Variants in STXBP3 observed in about 807,000 individuals in gnomAD.
STXBP3 encodes syntaxin-binding protein 3.
STXBP3 carries 41 observed loss-of-function variants against 85.7 expected under a neutral mutation model. The observed-to-expected ratio is 0.48, with a 90% CI of 0.37 to 0.62. The LOEUF is 0.62. Among genes scored for constraint, STXBP3 ranks in the 20% least tolerant of loss-of-function variants. The pLI is 0.00. For synonymous variants in STXBP3, 229 were observed against 231.7 expected, an observed-to-expected ratio of 0.99 and a Z score of 0.10; for missense variants, 563 against 703.1, an observed-to-expected ratio of 0.80 and a Z score of 2.25.
Position 108,809,352 on chromosome 1 carries a change from G to A in STXBP3, c.*475G>A, listed in dbSNP as rs1026633234. 1.3e-5 allele frequency: 2 copies of A among 153,224 alleles called. No homozygotes were observed. Among genetic ancestry groups the A allele is most frequent in the African/African-American group, 4.8e-5 (2 of 41,454 alleles). The allele number at this position is 153,224 out of a possible 1,614,324, so 9.5% of individuals were successfully genotyped here. On this transcript the variant is annotated 3_prime_UTR_variant, in exon 19 of 19. Coordinates refer to ENST00000370008, the MANE Select transcript of STXBP3 (RefSeq NM_007269.4). ...TTCTTTCAACTAAAATTCAGTTTAT[G>A]TGTAAAATAATTCAGTCATTAATAG...
chr1:108,792,102 T>C (rs996687092), intron 11 of STXBP3, among the ~76,000 whole-genome samples: 2 of 152,218 alleles, frequency 1.3e-5, no homozygotes, highest in Admixed American at 6.5e-5. Context: ...ATATTCACCT[T>C]CTTCATATCA....
intron 11 of STXBP3, among the ~76,000 whole-genome samples, chr1:108,785,590 G>C (rs1465425101): frequency 6.6e-6 from 1 of 152,082 alleles, no homozygotes; most frequent in African/African-American, 2.4e-5. Context: ...ATTAACATTT[G>C]GCTCCTTGTT....
intron 16 of STXBP3, 64 bp downstream of exon 16, chr1:108,798,301 G>A: frequency 7.6e-7 from 1 of 1,314,134 alleles, no homozygotes. Context: ...TTTACTTTTT[G>A]TAGTTTATGT....
At chr1:108,796,872 C>T in intron 15 of STXBP3, 146 bp downstream of exon 15, 1 of 524,756 alleles carries the variant, frequency 1.9e-6, no homozygotes, top group Non-Finnish European at 3.0e-6. Context: ...ATTTTGTTCT[C>T]TTTTCCATAT....
chr1:108,747,466 C>T (rs1158675699), intron 1 of STXBP3, among the ~76,000 whole-genome samples: 1 of 152,168 alleles, frequency 6.6e-6, no homozygotes, highest in African/African-American at 2.4e-5. Flanking sequence ...CTGTTAGGAC[C>T]GGACTCCTTA....
intron 17 of STXBP3, among the ~76,000 whole-genome samples, 177 bp downstream of exon 17, chr1:108,800,482 A>T (rs773728793): frequency 3.2e-4 from 48 of 152,352 alleles, no homozygotes; most frequent in Non-Finnish European, 5.7e-4. Context: ...GTACTTTATT[A>T]TAAAAAATAT....
chr1:108,790,586 T>G (rs903075445), intron 11 of STXBP3, among the ~76,000 whole-genome samples: 3 of 152,032 alleles, frequency 2.0e-5, no homozygotes, highest in African/African-American at 7.2e-5. Context: ...TTGATATAGT[T>G]AAATTTATAT....
In STXBP3 at chr1:108,794,804, G is replaced by T. The variant is rs376799326; in HGVS notation, c.1030-23G>T. 3 of 1,597,972 alleles carry T rather than the reference G, an allele frequency of 1.9e-6. No homozygotes were observed. In the African/African-American group the frequency reaches 4.0e-5, roughly 21 times the overall value. Reference sequence around the variant, plus strand: ...CAAAAGTCATTAAAATCCTTTAAATGATTGATTTCTTCTGTTTTTCAGCAA... The same window carrying T: ...CAAAAGTCATTAAAATCCTTTAAATTATTGATTTCTTCTGTTTTTCAGCAA... On this transcript the variant is annotated intron_variant, in intron 12 of 18. Transcript: ENST00000370008.
chr1:108,758,986 T>C (rs1662074603), intron 5 of STXBP3: 1 of 152,468 alleles, frequency 6.6e-6, no homozygotes, highest in Middle Eastern at 3.1e-3. Context: ...AAAGACCTTT[T>C]GAGAGGGCAC....
At chr1:108,798,543 G>A (rs1663164982) in intron 16 of STXBP3, among the ~76,000 whole-genome samples, 1 of 151,256 alleles carries the variant, frequency 6.6e-6, no homozygotes, top group South Asian at 2.1e-4. Context: ...AGCCTCCCGA[G>A]TAGCTGGGAC....
rs773581158 is a variant in STXBP3 at position 108,796,281 on chromosome 1, C to T, written c.1158C>T (p.Ser386=). The T allele has an allele frequency of 6.2e-7, 1 of 1,613,638 alleles. No homozygotes were observed. The highest frequency in any genetic ancestry group is 1.3e-5 in the African/African-American group (1 of 75,030). The change falls in exon 14 of 19, where the codon TCC becomes TCT. Residue 386 remains serine, a synonymous_variant. Transcript: ENST00000370008. ...CAGAAGGACAGAAGGTGAAAGATTC[C>T]ATGCGAGTACTCCTTCCAGTTCTAC... ...TDAEGQKVKD[S]MRVLLPVLLN...
At chr1:108,804,092 G>A (rs1453780337) in intron 17 of STXBP3, among the ~76,000 whole-genome samples, 1 of 152,096 alleles carries the variant, frequency 6.6e-6, no homozygotes, top group Admixed American at 6.6e-5. Flanking sequence ...TATGTTTCCT[G>A]AATCTGAGGA....
At chr1:108,767,147 A>G in intron 6 of STXBP3, 1 of 295,974 alleles carries the variant, frequency 3.4e-6, no homozygotes, top group Non-Finnish European at 6.6e-6. Flanking sequence ...ACTGACAGAC[A>G]CAAGCCTCAT....
chr1:108,795,771 AAAC>A (rs1191028871), intron 13 of STXBP3, among the ~76,000 whole-genome samples: 4 of 152,244 alleles, frequency 2.6e-5, no homozygotes, highest in Non-Finnish European at 5.9e-5. Context: ...TATTTTGTAT[AAAC>A]AATAGTTTAC....
At chr1:108,778,517 T>G in intron 8 of STXBP3, among the ~76,000 whole-genome samples, 1 of 152,200 alleles carries the variant, frequency 6.6e-6, no homozygotes, top group Non-Finnish European at 1.5e-5. Context: ...TCTTACTACC[T>G]GTGTGATTTG....
chr1:108,796,598 C>G (rs747354557), intron 14 of STXBP3, 22 bp from the exon 15 acceptor site: 1 of 1,598,258 alleles, frequency 6.3e-7, no homozygotes. Flanking sequence ...TGATTGTGCA[C>G]TCATATTTTT....
chr1:108,798,864 C>T (rs1263546944), intron 16 of STXBP3, among the ~76,000 whole-genome samples: 1 of 152,120 alleles, frequency 6.6e-6, no homozygotes, highest in African/African-American at 2.4e-5. Context: ...GAAAGTTCAA[C>T]AAAATAACAT....
intron 9 of STXBP3, chr1:108,780,112 T>C (rs1361067729): frequency 1.3e-5 from 2 of 152,184 alleles, no homozygotes; most frequent in Non-Finnish European, 2.9e-5. Context: ...TTGAGTACAG[T>C]AATAAAAATG....
At chr1:108,780,549 A>G (rs1271990069) in intron 9 of STXBP3, 6 of 48,496 alleles carry the variant, frequency 1.2e-4, no homozygotes, top group African/African-American at 5.1e-4. Context: ...TTTTTTTTTT[A>G]GTAGAGGCAG....
Sources: gnomAD v4.1 joint callset for allele counts (sites outside exome capture counted in the v4.1 genomes callset) on GRCh38, gnomAD v4.1.1 for gene constraint, MANE v1.5 for transcripts, NCBI Gene and HGNC (gene_info 2026-07-23, HGNC 2026-07-21) for gene names.